The following VWC2 variants were observed in gnomAD, a reference collection of about 807,000 sequenced individuals.
VWC2 encodes brorin.
A neutral mutation model predicts 29.8 loss-of-function variants in VWC2; 14 were observed. The ratio of observed to expected loss-of-function variants is 0.47; its 90% CI spans 0.31 to 0.74. VWC2 has a LOEUF of 0.74. Ranked by LOEUF, VWC2 falls within the 30% of genes least tolerant of loss-of-function variation. The pLI, the probability that VWC2 is intolerant of heterozygous loss-of-function variation, is 0.05. For synonymous variants in VWC2, 213 were observed against 199.0 expected (o/e 1.07, Z -0.59); for missense variants, 457 against 459.8 (o/e 0.99, Z 0.05).
At position 49,775,824 on chromosome 7, in the gene VWC2, C is replaced by T; in HGVS notation, c.389C>T (p.Ala130Val). ...AEALAAAAQD[A>V]IGPELAPTPE... ...GCCCTGGCCGCAGCCGCCCAGGACG[C>T]GATTGGCCCGGAACTCGCGCCCACG... Residue 130 changes from alanine to valine, a missense_variant, in exon 2 of 4, where the codon GCG (alanine) becomes GTG (valine). This residue lies in a region of VWC2 where 272 missense variants were observed against 202.7 expected (regional missense o/e 1.34). Coordinates refer to ENST00000340652, the MANE Select transcript of VWC2 (RefSeq NM_198570.5). 1.3e-6 allele frequency: 2 copies of T among 1,545,234 alleles called. No homozygotes were observed. The highest frequency in any genetic ancestry group is 1.7e-6 in the Non-Finnish European group (2 of 1,145,462).
rs183526241 is a variant in VWC2, at chr7:49,918,846, G to A, written c.*6661G>A. 4 of 152,160 alleles carry A rather than the reference G, an allele frequency of 2.6e-5. No individual in the cohort carries two copies. Among genetic ancestry groups the A allele is most frequent in the African/African-American group, 9.7e-5 (4 of 41,398 alleles). The allele number at this position is 152,160 out of a possible 1,614,324, so 9.4% of individuals were successfully genotyped here. A position where few individuals can be genotyped will look rare whatever the true frequency, so the allele number is the denominator to read the frequency against. On this transcript the variant is annotated 3_prime_UTR_variant, in exon 4 of 4. Transcript: ENST00000340652. Reference sequence around the variant, plus strand: ...GCACTTTGGGAGGCTGAGGCAGGTGGATCAGGAGTTTGAGGCCAACCTGAC... The same window carrying A: ...GCACTTTGGGAGGCTGAGGCAGGTGAATCAGGAGTTTGAGGCCAACCTGAC...
chr7:49,827,154 A>G (rs1376259584), intron 3 of VWC2, among the ~76,000 whole-genome samples: 1 of 152,066 alleles, frequency 6.6e-6, no homozygotes, highest in Non-Finnish European at 1.5e-5. Flanking sequence ...CTGTTAATAC[A>G]GTTATGTCAT....
intron 3 of VWC2, among the ~76,000 whole-genome samples, chr7:49,888,942 C>A (rs1035455059): frequency 6.6e-6 from 1 of 151,584 alleles, no homozygotes; most frequent in East Asian, 1.9e-4. Context: ...CAAAAAAAAA[C>A]AAAAGAAGTG....
chr7:49,854,866 A>G (rs1473169902), intron 3 of VWC2, among the ~76,000 whole-genome samples: 2 of 152,218 alleles, frequency 1.3e-5, no homozygotes, highest in Non-Finnish European at 2.9e-5. Context: ...GCTGTTATCA[A>G]CCATATTTTT....
intron 2 of VWC2, among the ~76,000 whole-genome samples, chr7:49,801,147 G>T (rs574962564): frequency 6.6e-6 from 1 of 152,188 alleles, no homozygotes; most frequent in African/African-American, 2.4e-5. Context: ...TTTGCTTCTC[G>T]TAATAGCCAG....
intron 3 of VWC2, among the ~76,000 whole-genome samples, chr7:49,872,931 A>AAAAAAAG: frequency 6.7e-6 from 1 of 149,442 alleles, no homozygotes; most frequent in Non-Finnish European, 1.5e-5. Flanking sequence ...AAAAAAAAAA[A>AAAAAAAG]AAAAAAGAAA....
chr7:49,832,963 C>T (rs1011230592), intron 3 of VWC2, among the ~76,000 whole-genome samples: 2 of 152,156 alleles, frequency 1.3e-5, no homozygotes, highest in African/African-American at 2.4e-5. Context: ...GAGAAGTACA[C>T]TTCCAGAATT....
chr7:49,832,565 C>T (rs1048890469), intron 3 of VWC2, among the ~76,000 whole-genome samples: 13 of 152,140 alleles, frequency 8.5e-5, no homozygotes, highest in Admixed American at 8.5e-4. Flanking sequence ...ACAGAGGGAA[C>T]TTCCTTATTG....
intron 3 of VWC2, among the ~76,000 whole-genome samples, chr7:49,898,771 T>C (rs769381382): frequency 3.0e-4 from 45 of 152,154 alleles, no homozygotes; most frequent in Admixed American, 5.9e-4. Context: ...GGTTTAGTGT[T>C]ATTTGAAAGC....
At chr7:49,788,811 C>CGTGAGT (rs1788372287) in intron 2 of VWC2, among the ~76,000 whole-genome samples, 1 of 118,984 alleles carries the variant, frequency 8.4e-6, no homozygotes, top group Admixed American at 8.6e-5. Flanking sequence ...TGTGTGGGTG[C>CGTGAGT]GTGTGAGAGT....
chr7:49,822,990 G>A (rs1789299083), intron 3 of VWC2, among the ~76,000 whole-genome samples: 2 of 152,160 alleles, frequency 1.3e-5, no homozygotes, highest in Non-Finnish European at 2.9e-5. Context: ...CCCTTGTGTA[G>A]AAATATGTTT....
At chr7:49,859,856 A>G (rs142436482) in intron 3 of VWC2, among the ~76,000 whole-genome samples, 2 of 152,178 alleles carry the variant, frequency 1.3e-5, no homozygotes, top group Admixed American at 6.5e-5. Flanking sequence ...TCACAATTGC[A>G]TTGATGTTTA....
intron 2 of VWC2, among the ~76,000 whole-genome samples, chr7:49,785,509 A>G (rs1485426048): frequency 1.3e-5 from 2 of 152,228 alleles, no homozygotes; most frequent in Non-Finnish European, 2.9e-5. Context: ...TAGTTGAAAG[A>G]CATCTATTTT....
At chr7:49,895,242 AT>A (rs796776616) in intron 3 of VWC2, among the ~76,000 whole-genome samples, 5 of 152,278 alleles carry the variant, frequency 3.3e-5, no homozygotes, top group African/African-American at 1.2e-4. Flanking sequence ...GTTCCCTCAC[AT>A]TTGTTTCCTA....
chr7:49,907,933 A>G (rs1793193188), intron 3 of VWC2, among the ~76,000 whole-genome samples: 2 of 152,156 alleles, frequency 1.3e-5, no homozygotes, highest in Non-Finnish European at 2.9e-5. Context: ...CAGACCTATA[A>G]AGGTGCCAGA....
At chr7:49,782,423 A>C (rs984525852) in intron 2 of VWC2, among the ~76,000 whole-genome samples, 2 of 152,126 alleles carry the variant, frequency 1.3e-5, no homozygotes, top group Non-Finnish European at 2.9e-5. Flanking sequence ...GTTTTGGTGG[A>C]GAATCAGCTT....
intron 3 of VWC2, among the ~76,000 whole-genome samples, chr7:49,876,628 C>T (rs1415665618): frequency 6.6e-6 from 1 of 152,108 alleles, no homozygotes; most frequent in African/African-American, 2.4e-5. Context: ...GGAAAGAGAT[C>T]AAGGGAAGAA....
intron 3 of VWC2, among the ~76,000 whole-genome samples, chr7:49,821,526 T>C (rs890818543): frequency 6.6e-6 from 1 of 152,204 alleles, no homozygotes; most frequent in Non-Finnish European, 1.5e-5. Flanking sequence ...TGCTACTACA[T>C]TGACTCCAAT....
Position 49,912,316 on chromosome 7 carries a change from C to A in VWC2, c.*131C>A. 1.1e-6 allele frequency: 1 copy of A among 950,324 alleles called. No homozygotes were observed. The highest frequency in any genetic ancestry group is 1.5e-6 in the Non-Finnish European group (1 of 666,030). 58.9% of individuals were successfully genotyped at this position (950,324 alleles called of 1,614,324 possible). A position where few individuals can be genotyped will look rare whatever the true frequency, so the allele number is the denominator to read the frequency against. ...ATAATGGAAAATTGTTGGTACTTTT[C>A]CTTTTCTTGATAACAGTTACTACAA... On this transcript the variant is annotated 3_prime_UTR_variant, in exon 4 of 4. Transcript: ENST00000340652.
Sources: gnomAD v4.1 joint callset for allele counts (sites outside exome capture counted in the v4.1 genomes callset) on GRCh38, gnomAD v4.1.1 for gene constraint, gnomAD v4.1.1 regional missense constraint, MANE v1.5 for transcripts, NCBI Gene and HGNC (gene_info 2026-07-23, HGNC 2026-07-21) for gene names.